Variants in NUMB observed in about 807,000 individuals in gnomAD.
NUMB encodes NUMB endocytic adaptor protein, also known as protein numb homolog.
In NUMB, 29 loss-of-function variants were observed where a neutral mutation model predicts 59.7. That is an observed-to-expected ratio of 0.49 (90% CI 0.36 to 0.66). NUMB has a LOEUF of 0.66. Ranked by LOEUF, NUMB falls within the 30% of genes least tolerant of loss-of-function variation. The pLI is 0.00. For missense variants in NUMB, 723 were observed against 822.0 expected, an observed-to-expected ratio of 0.88 and a Z score of 1.47; for synonymous variants, 288 against 288.2, an observed-to-expected ratio of 1.00 and a Z score of 0.01.
chr14:73,400,625 A>C (rs1024264393), intron 2 of NUMB, among the ~76,000 whole-genome samples: 3 of 152,220 alleles, frequency 2.0e-5, no homozygotes, highest in African/African-American at 7.2e-5. Flanking sequence ...GTCACCTGAA[A>C]GACCAAGGCA....
intron 1 of NUMB, among the ~76,000 whole-genome samples, chr14:73,452,313 T>C (rs1884043766): frequency 6.6e-6 from 1 of 152,048 alleles, no homozygotes; most frequent in Admixed American, 6.6e-5. Context: ...TGAGCTAAAA[T>C]TGTGCCATTG....
chr14:73,384,888 A>T (rs1339776443), intron 2 of NUMB, among the ~76,000 whole-genome samples: 5 of 132,766 alleles, frequency 3.8e-5, no homozygotes, highest in African/African-American at 1.4e-4. Flanking sequence ...AAATAACTGT[A>T]ATTTTTTTTT....
intron 2 of NUMB, among the ~76,000 whole-genome samples, chr14:73,389,282 A>AAC (rs1895714470): frequency 2.1e-5 from 2 of 93,150 alleles, no homozygotes; most frequent in African/African-American, 1.5e-4. Flanking sequence ...CAAAAAAAAA[A>AAC]AAAAAAAAAA....
At position 73,294,933 on chromosome 14, in the gene NUMB, T is replaced by G. The variant is rs145190054; in HGVS notation, c.310-2059A>C. 2.2e-3 allele frequency among the ~76,000 whole-genome samples: 197 copies of G among 90,516 alleles called. 1 individual carries two copies. The highest frequency in any genetic ancestry group is 3.2e-3 in the Non-Finnish European group (155 of 48,216). The allele number at this position is 90,516 out of a possible 152,430, so 59.4% of individuals were successfully genotyped here. On this transcript the variant is annotated intron_variant, in intron 7 of 12. Coordinates refer to ENST00000555238, the MANE Select transcript of NUMB (RefSeq NM_001005743.2). ...GGGTTCGAAACCAGCTTGGGCAACA[T>G]AGTGAGAACCCATCTCTAAAAAAAA... is the stretch of plus-strand genomic sequence containing the variant.
intron 4 of NUMB, among the ~76,000 whole-genome samples, chr14:73,354,710 C>T (rs972220864): frequency 1.3e-5 from 2 of 149,766 alleles, no homozygotes; most frequent in African/African-American, 2.5e-5. Flanking sequence ...CGCCTGTAGT[C>T]CCTGCTACTC....
intron 1 of NUMB, among the ~76,000 whole-genome samples, chr14:73,456,547 G>A (rs1029992863): frequency 6.6e-6 from 1 of 152,202 alleles, no homozygotes; most frequent in Non-Finnish European, 1.5e-5. Flanking sequence ...CTTACCAAAT[G>A]CAATGTCAGT....
chr14:73,351,896 A>C (rs1418860791), intron 4 of NUMB, among the ~76,000 whole-genome samples: 2 of 151,770 alleles, frequency 1.3e-5, no homozygotes, highest in East Asian at 3.9e-4. Context: ...GAATGGCTTG[A>C]ACCTGGGAGG....
intron 8 of NUMB, among the ~76,000 whole-genome samples, chr14:73,288,265 A>G (rs1889143781): frequency 6.6e-6 from 1 of 150,992 alleles, no homozygotes; most frequent in Non-Finnish European, 1.5e-5. Context: ...ATAATAAAAA[A>G]AATTAGGCCA....
chr14:73,311,101 A>G (rs1259648231), intron 6 of NUMB, among the ~76,000 whole-genome samples: 2 of 151,992 alleles, frequency 1.3e-5, no homozygotes. Context: ...ACCCAGGCTG[A>G]AGTGCAGTGT....
intron 11 of NUMB, among the ~76,000 whole-genome samples, chr14:73,280,551 T>C (rs1454339875): frequency 6.6e-6 from 1 of 152,084 alleles, no homozygotes; most frequent in East Asian, 1.9e-4. Flanking sequence ...TTACTCCAGA[T>C]ACCTATATTA....
At chr14:73,277,782 G>A (rs995223421) in intron 12 of NUMB, among the ~76,000 whole-genome samples, 5 of 151,210 alleles carry the variant, frequency 3.3e-5, no homozygotes, top group African/African-American at 9.7e-5. Context: ...AAAAGGCCAC[G>A]TGCAGTGGCT....
chr14:73,340,871 G>C (rs1892596073), intron 4 of NUMB, among the ~76,000 whole-genome samples: 2 of 152,220 alleles, frequency 1.3e-5, no homozygotes, highest in South Asian at 4.1e-4. Context: ...GGAGGAACCT[G>C]ATGGGAGGTG....
chr14:73,377,714 C>T (rs927045269), intron 2 of NUMB, among the ~76,000 whole-genome samples: 1 of 151,818 alleles, frequency 6.6e-6, no homozygotes, highest in African/African-American at 2.4e-5. Context: ...CGCCTGTAAT[C>T]CCAGCACTTT....
intron 6 of NUMB, among the ~76,000 whole-genome samples, chr14:73,312,687 T>C (rs1890839502): frequency 6.7e-6 from 1 of 149,886 alleles, no homozygotes; most frequent in Admixed American, 6.7e-5. Flanking sequence ...GCACTCCAGC[T>C]TGGGTGACAG....
At chr14:73,441,846 T>A (rs1019985563) in intron 1 of NUMB, among the ~76,000 whole-genome samples, 1 of 152,004 alleles carries the variant, frequency 6.6e-6, no homozygotes, top group South Asian at 2.1e-4. Context: ...ACACTCCAGC[T>A]TGGGTGACAG....
At chr14:73,431,728 A>G (rs1897839410) in intron 1 of NUMB, among the ~76,000 whole-genome samples, 1 of 151,932 alleles carries the variant, frequency 6.6e-6, no homozygotes, top group Non-Finnish European at 1.5e-5. Context: ...CAGCCTGAGC[A>G]ACAGAGCAAG....
chr14:73,441,143 C>T (rs1023343892), intron 1 of NUMB, among the ~76,000 whole-genome samples: 1 of 152,002 alleles, frequency 6.6e-6, no homozygotes, highest in Admixed American at 6.6e-5. Context: ...TTTAAAAAAT[C>T]GGCAAGCATA....
intron 2 of NUMB, among the ~76,000 whole-genome samples, chr14:73,396,998 C>A (rs899118099): frequency 9.2e-5 from 14 of 152,114 alleles, no homozygotes; most frequent in Non-Finnish European, 2.1e-4. Context: ...GTGGCGCACA[C>A]CTGTAATTCC....
chr14:73,299,138 C>T (rs982183701), intron 6 of NUMB: 7 of 152,048 alleles, frequency 4.6e-5, no homozygotes, highest in African/African-American at 1.5e-4. Flanking sequence ...TGGAAGCAAA[C>T]AACATGGCAA....
Sources: allele counts gnomAD v4.1 joint callset (sites outside exome capture counted in the v4.1 genomes callset), GRCh38; gene constraint gnomAD v4.1.1; transcripts MANE v1.5; gene names NCBI Gene and HGNC (gene_info 2026-07-23, HGNC 2026-07-21).